The following MEF2C variants were observed in gnomAD, a reference collection of about 807,000 sequenced individuals.
The protein encoded by MEF2C is myocyte-specific enhancer factor 2C.
MEF2C carries 6 observed loss-of-function variants against 50.5 expected under a neutral mutation model. The observed-to-expected ratio is 0.12, with a 90% confidence interval of 0.07 to 0.23. The LOEUF is 0.23. Among genes scored for constraint, MEF2C ranks in the 10% least tolerant of loss-of-function variants. The probability of loss-of-function intolerance (pLI) is 1.00; values close to 1 mark genes in which losing one functional copy is unlikely to be tolerated. For synonymous variants in MEF2C, 183 were observed against 228.0 expected (o/e 0.80, Z 1.78); for missense variants, 276 against 605.0 (o/e 0.46, Z 5.70).
intron 2 of MEF2C, among the ~76,000 whole-genome samples, chr5:88,807,993 G>GA (rs1422889094): frequency 6.6e-6 from 1 of 151,950 alleles, no homozygotes; most frequent in Non-Finnish European, 1.5e-5. Flanking sequence ...AAGTACTTCT[G>GA]AAAAAATATA....
At chr5:88,837,608 G>T (rs1025224612) in intron 1 of MEF2C, among the ~76,000 whole-genome samples, 2 of 151,820 alleles carry the variant, frequency 1.3e-5, no homozygotes, top group Non-Finnish European at 2.9e-5. Context: ...GTTCCTAAAT[G>T]GTATGCATTC....
Position 88,895,659 on chromosome 5 carries a change from C to T in MEF2C, c.-239-8061G>A, listed in dbSNP as rs2067665. Among the ~76,000 whole-genome samples, 474 of 152,238 alleles carry T rather than the reference C, an allele frequency of 3.1e-3. 2 individuals carry two copies. Among genetic ancestry groups the T allele is most frequent in the African/African-American group, 0.011 (458 of 41,538 alleles). ...ACATCACTCTCTTCCCTATACTCAC[C>T]TTCAGCAGGCCCTGCTTTCACTTTG... On this transcript the variant is annotated intron_variant, in intron 1 of 11. Coordinates refer to the MEF2C transcript ENST00000340208.
chr5:88,733,177 T>C (rs1762418205), intron 6 of MEF2C: 1 of 985,118 alleles, frequency 1.0e-6, no homozygotes, highest in South Asian at 4.7e-5. Context: ...GAGGCAGGAA[T>C]TGATGAGGGC....
intron 1 of MEF2C, among the ~76,000 whole-genome samples, chr5:88,860,617 C>G (rs1825180608): frequency 6.6e-6 from 1 of 152,132 alleles, no homozygotes; most frequent in Non-Finnish European, 1.5e-5. Context: ...CTGCCCCGCT[C>G]AGCAGAGCCT....
chr5:88,767,324 C>T (rs1381147684), intron 3 of MEF2C, among the ~76,000 whole-genome samples: 1 of 152,124 alleles, frequency 6.6e-6, no homozygotes, highest in Non-Finnish European at 1.5e-5. Context: ...GAAATTTCTC[C>T]ACAGGTTTTA....
intron 1 of MEF2C, among the ~76,000 whole-genome samples, chr5:88,848,449 T>C (rs1481763204): frequency 6.6e-6 from 1 of 152,200 alleles, no homozygotes; most frequent in East Asian, 1.9e-4. Context: ...CATTTCTATC[T>C]CTCTACATAG....
intron 2 of MEF2C, among the ~76,000 whole-genome samples, chr5:88,816,021 T>A (rs1805171932): frequency 6.6e-6 from 1 of 152,012 alleles, no homozygotes; most frequent in Non-Finnish European, 1.5e-5. Context: ...ATACAATAAA[T>A]AAAAGCATCA....
At chr5:88,788,850 C>A (rs979242119) in intron 3 of MEF2C, among the ~76,000 whole-genome samples, 1 of 152,046 alleles carries the variant, frequency 6.6e-6, no homozygotes, top group African/African-American at 2.4e-5. Flanking sequence ...CATTTATTTA[C>A]AAATGTGTAC....
At chr5:88,835,328 A>G (rs906064829) in intron 1 of MEF2C, among the ~76,000 whole-genome samples, 2 of 152,216 alleles carry the variant, frequency 1.3e-5, no homozygotes, top group African/African-American at 4.8e-5. Context: ...AGTAATCAGC[A>G]GAGCTTTGAT....
intron 1 of MEF2C, among the ~76,000 whole-genome samples, chr5:88,891,269 T>G (rs2150228711): frequency 6.6e-6 from 1 of 152,278 alleles, no homozygotes. Flanking sequence ...GGAGGAAAGG[T>G]GTCACCTAAA....
chr5:88,791,577 A>T (rs1793768933), intron 3 of MEF2C, among the ~76,000 whole-genome samples: 1 of 152,170 alleles, frequency 6.6e-6, no homozygotes, highest in African/African-American at 2.4e-5. Context: ...TTATTTTCTT[A>T]ATAAATGAGA....
intron 1 of MEF2C, among the ~76,000 whole-genome samples, chr5:88,847,064 A>G (rs1274008557): frequency 6.6e-6 from 1 of 152,236 alleles, no homozygotes; most frequent in African/African-American, 2.4e-5. Flanking sequence ...ACATGGAGTT[A>G]GCAACAGAAT....
At chr5:88,890,072 C>T (rs1834376240) in intron 1 of MEF2C, among the ~76,000 whole-genome samples, 1 of 152,192 alleles carries the variant, frequency 6.6e-6, no homozygotes, top group Admixed American at 6.5e-5. Context: ...TAGGAAAGAA[C>T]ACGGGCCCCA....
intron 6 of MEF2C, among the ~76,000 whole-genome samples, chr5:88,732,801 G>C (rs1471028910): frequency 6.6e-6 from 1 of 152,206 alleles, no homozygotes; most frequent in East Asian, 1.9e-4. Flanking sequence ...TTCCTCCACT[G>C]CCTCTGAAGG....
chr5:88,817,985 G>T (rs1025487193), intron 2 of MEF2C, among the ~76,000 whole-genome samples: 1 of 151,778 alleles, frequency 6.6e-6, no homozygotes, highest in African/African-American at 2.4e-5. Flanking sequence ...ACTGTTAAAG[G>T]ACCCAAAATT....
chr5:88,899,731 T>C (rs1561501370), intron 1 of MEF2C, among the ~76,000 whole-genome samples: 1 of 152,180 alleles, frequency 6.6e-6, no homozygotes, highest in African/African-American at 2.4e-5. Context: ...AAATGGATGC[T>C]ATTTACTATT....
intron 6 of MEF2C, chr5:88,733,173 G>A: frequency 1.0e-6 from 1 of 985,322 alleles, no homozygotes; most frequent in African/African-American, 1.7e-5. Context: ...AGAAGAGGCA[G>A]GAATTGATGA....
chr5:88,836,893 G>A (rs1815322600), intron 1 of MEF2C, among the ~76,000 whole-genome samples: 1 of 150,520 alleles, frequency 6.6e-6, no homozygotes, highest in Non-Finnish European at 1.5e-5. Flanking sequence ...TCGGGTGGAG[G>A]CAAGCTCACG....
chr5:88,728,613 C>A lies in MEF2C; in HGVS notation c.980G>T (p.Ser327Ile). The change falls in exon 10 of 11, where the codon AGT becomes ATT. Residue 327 changes from serine to isoleucine, a missense_variant. By Grantham distance (142) the Ser-to-Ile change is moderately radical (BLOSUM62 -2). This residue lies in a region of MEF2C where 256 missense variants were observed against 468.1 expected (regional missense o/e 0.55). Transcript: ENST00000504921. Reference protein sequence around the residue: ...TTYGTEYSLSSADLSSLSGFN... With the variant: ...TTYGTEYSLSIADLSSLSGFN... Reference sequence around the variant, plus strand: ...CCCAGACAGAGATGACAGGTCTGCACTACTCAGAGAGTACTCTAGATTAAA... The same window carrying A: ...CCCAGACAGAGATGACAGGTCTGCAATACTCAGAGAGTACTCTAGATTAAA... 6.7e-7 allele frequency: 1 copy of A among 1,498,282 alleles called. No individual in the cohort carries two copies. The allele number at this position is 1,498,282 out of a possible 1,614,324, so 92.8% of individuals were successfully genotyped here.
Sources: gnomAD v4.1 joint callset for allele counts (sites outside exome capture counted in the v4.1 genomes callset) on GRCh38, gnomAD v4.1.1 for gene constraint, gnomAD v4.1.1 regional missense constraint, MANE v1.5 for transcripts, NCBI Gene and HGNC (gene_info 2026-07-23, HGNC 2026-07-21) for gene names.